Variants in TEAD1 observed in about 807,000 individuals in gnomAD.
TEAD1 encodes the protein TEA domain transcription factor 1.
A neutral mutation model predicts 54.9 loss-of-function variants in TEAD1; 9 were observed. The observed-to-expected ratio is 0.16, with a 90% CI of 0.10 to 0.29. The LOEUF (loss-of-function observed/expected upper bound fraction) is 0.29, where lower values mean the gene tolerates loss of function less well. Ranked by LOEUF, TEAD1 falls within the 10% of genes least tolerant of loss-of-function variation. The probability of loss-of-function intolerance (pLI) is 1.00; values close to 1 mark genes in which losing one functional copy is unlikely to be tolerated. For missense variants in TEAD1, 387 were observed against 535.9 expected, an observed-to-expected ratio of 0.72 and a Z score of 2.74; for synonymous variants, 200 against 187.8, an observed-to-expected ratio of 1.07 and a Z score of -0.53.
chr11:12,690,202 A>G (rs983688113), intron 2 of TEAD1, among the ~76,000 whole-genome samples: 26 of 149,954 alleles, frequency 1.7e-4, no homozygotes, highest in South Asian at 1.7e-3. Flanking sequence ...AGATTGCGCC[A>G]CTGCACTCCA....
chr11:12,836,945 ACT>A (rs969408702), intron 3 of TEAD1, among the ~76,000 whole-genome samples: 3 of 152,214 alleles, frequency 2.0e-5, no homozygotes, highest in African/African-American at 7.2e-5. Flanking sequence ...AATACAACTA[ACT>A]CAGCTTTGAT....
chr11:12,702,092 T>A (rs922359613), intron 2 of TEAD1, among the ~76,000 whole-genome samples: 7 of 152,194 alleles, frequency 4.6e-5, no homozygotes, highest in African/African-American at 1.7e-4. Context: ...TAGAGCCAAC[T>A]GATGTTACTT....
chr11:12,777,895 G>C (rs11022499), intron 3 of TEAD1, among the ~76,000 whole-genome samples: 4 of 152,158 alleles, frequency 2.6e-5, no homozygotes, highest in Admixed American at 2.6e-4. Context: ...TTGAACATAC[G>C]CATTGTGATA....
At chr11:12,782,788 G>A (rs1564938048) in intron 3 of TEAD1, among the ~76,000 whole-genome samples, 1 of 152,202 alleles carries the variant, frequency 6.6e-6, no homozygotes, top group Non-Finnish European at 1.5e-5. Flanking sequence ...GGAAAATGCT[G>A]AGAGAGTAGA....
chr11:12,701,743 G>T (rs1417560899), intron 2 of TEAD1, among the ~76,000 whole-genome samples: 9 of 152,112 alleles, frequency 5.9e-5, no homozygotes, highest in Admixed American at 5.9e-4. Flanking sequence ...GAGGTGTGGG[G>T]CTCACCAGAT....
chr11:12,890,196 C>T lies in TEAD1; in HGVS notation c.699+7071C>T, dbSNP rs530035935. 2.0e-5 allele frequency among the ~76,000 whole-genome samples: 3 copies of T among 152,270 alleles called. No individual in the cohort carries two copies. The South Asian group carries it at 6.2e-4, about 32-fold the overall frequency. On this transcript the variant is annotated intron_variant, in intron 9 of 12. Transcript: ENST00000527636. ...ACGGTGACTGTGCCAAAGTTTACCA[C>T]CACTCTGTATTCTTAACCATGTCAC...
chr11:12,731,508 G>A (rs1944424358), intron 2 of TEAD1, among the ~76,000 whole-genome samples: 1 of 151,782 alleles, frequency 6.6e-6, no homozygotes, highest in African/African-American at 2.4e-5. Context: ...GTACTTTTCT[G>A]GTAGGTGGAA....
intron 5 of TEAD1, among the ~76,000 whole-genome samples, chr11:12,877,114 G>C (rs1947867288): frequency 6.6e-6 from 1 of 152,160 alleles, no homozygotes; most frequent in East Asian, 1.9e-4. Flanking sequence ...TTAGCAAATG[G>C]AGCCCCAAGT....
chr11:12,780,405 A>T lies in TEAD1; in HGVS notation c.202+15971A>T, dbSNP rs1945518406. On this transcript the variant is annotated intron_variant, in intron 3 of 12. Coordinates refer to ENST00000527636, the MANE Select transcript of TEAD1 (RefSeq NM_021961.6). Reference sequence around the variant, plus strand: ...ATTACAGGTGCCTGCCACCATACCCAGCTAAGTTTTGTATTTTTAGTAGAG... The same window carrying T: ...ATTACAGGTGCCTGCCACCATACCCTGCTAAGTTTTGTATTTTTAGTAGAG... Among the ~76,000 whole-genome samples, 3 of 151,852 alleles carry T rather than the reference A, an allele frequency of 2.0e-5. No individual in the cohort carries two copies. In the South Asian group the frequency reaches 6.3e-4, roughly 32 times the overall value.
intron 2 of TEAD1, among the ~76,000 whole-genome samples, chr11:12,737,416 G>A (rs563027545): frequency 1.5e-4 from 23 of 152,180 alleles, no homozygotes; most frequent in South Asian, 6.2e-4. Context: ...CAAGACCTTA[G>A]GTTTGTGCAA....
intron 2 of TEAD1, among the ~76,000 whole-genome samples, chr11:12,731,723 T>A (rs1367372921): frequency 6.6e-6 from 1 of 152,238 alleles, no homozygotes; most frequent in Non-Finnish European, 1.5e-5. Context: ...CGAGGTAAAC[T>A]GTTTCCATTA....
In TEAD1 at chr11:12,735,624, A is replaced by T. The variant is rs1944515859; in HGVS notation, c.-54-28555A>T. On this transcript the variant is annotated intron_variant, in intron 2 of 12. Coordinates refer to ENST00000527636, the MANE Select transcript of TEAD1 (RefSeq NM_021961.6). ...ATGCACTGTTCTGGATTCCGGGGTT[A>T]TAGCTGTGACCAAGGCAGACGTATG... Among the ~76,000 whole-genome samples, 3 of 141,088 alleles carry T rather than the reference A, an allele frequency of 2.1e-5. No homozygotes were observed. In the South Asian group the frequency reaches 6.6e-4, roughly 31 times the overall value. 92.6% of individuals were successfully genotyped at this position (141,088 alleles called of 152,430 possible). A position where few individuals can be genotyped will look rare whatever the true frequency, so the allele number is the denominator to read the frequency against.
intron 12 of TEAD1, among the ~76,000 whole-genome samples, chr11:12,931,600 A>G (rs1949011791): frequency 6.6e-6 from 1 of 152,094 alleles, no homozygotes; most frequent in Non-Finnish European, 1.5e-5. Context: ...GTTTTTTAGA[A>G]AGGCTGTTTC....
intron 2 of TEAD1, among the ~76,000 whole-genome samples, chr11:12,678,717 T>C (rs1356866944): frequency 5.9e-5 from 9 of 152,212 alleles, no homozygotes; most frequent in African/African-American, 9.6e-5. Context: ...TGGATCTAAA[T>C]ACTTGGAGTG....
chr11:12,863,345 CT>C (rs1947547699), intron 4 of TEAD1, among the ~76,000 whole-genome samples: 1 of 152,138 alleles, frequency 6.6e-6, no homozygotes, highest in Non-Finnish European at 1.5e-5. Context: ...AGCGCATTGT[CT>C]GTTTGGGGGA....
intron 10 of TEAD1, among the ~76,000 whole-genome samples, chr11:12,911,981 A>G (rs1948626250): frequency 6.6e-6 from 1 of 151,868 alleles, no homozygotes; most frequent in African/African-American, 2.4e-5. Context: ...TTACCTGGAA[A>G]GTTATTTTAT....
At chr11:12,804,052 G>A (rs1946119156) in intron 3 of TEAD1, among the ~76,000 whole-genome samples, 1 of 152,200 alleles carries the variant, frequency 6.6e-6, no homozygotes, top group Non-Finnish European at 1.5e-5. Context: ...ATGAAGCTTA[G>A]GTCCAGTGAT....
chr11:12,871,356 T>C (rs1332914268), intron 5 of TEAD1, among the ~76,000 whole-genome samples: 1 of 152,218 alleles, frequency 6.6e-6, no homozygotes, highest in East Asian at 1.9e-4. Context: ...GCTCACAGCC[T>C]TAGAAATTAT....
Position 12,937,101 on chromosome 11 carries a change from C to A in TEAD1, c.1168-8C>A, listed in dbSNP as rs537209786. 2.5e-6 allele frequency: 4 copies of A among 1,596,368 alleles called. No individual in the cohort carries two copies. The highest frequency in any genetic ancestry group is 3.3e-5 in the Admixed American group (2 of 59,766). On this transcript the variant is annotated splice_region_variant and splice_polypyrimidine_tract_variant and intron_variant, in intron 12 of 12. Transcript: ENST00000527636. ...TTGGTATTATATACTTTTTTTTTAT[C>A]TTAACAGGTGGTAACAAACAGGGAT...
Sources: gnomAD v4.1 joint callset for allele counts (sites outside exome capture counted in the v4.1 genomes callset) on GRCh38, gnomAD v4.1.1 for gene constraint, MANE v1.5 for transcripts, NCBI Gene and HGNC (gene_info 2026-07-23, HGNC 2026-07-21) for gene names.